Variants in VIPR1 observed in about 807,000 individuals in gnomAD.
VIPR1 encodes the protein vasoactive intestinal polypeptide receptor 1.
VIPR1 carries 59 observed loss-of-function variants against 58.8 expected under a neutral mutation model. The ratio of observed to expected loss-of-function variants is 1.00; its 90% CI spans 0.81 to 1.25. The LOEUF is 1.25. VIPR1 is among the 50% of genes most tolerant of loss of function. The probability of loss-of-function intolerance (pLI) is 0.00; values close to 1 mark genes in which losing one functional copy is unlikely to be tolerated. For missense variants in VIPR1, 626 were observed against 602.7 expected (o/e 1.04, Z -0.40); for synonymous variants, 251 against 242.1 (o/e 1.04, Z -0.34).
At chr3:42,510,521 T>C (rs557076936) in intron 1 of VIPR1, among the ~76,000 whole-genome samples, 2 of 152,280 alleles carry the variant, frequency 1.3e-5, no homozygotes, top group East Asian at 3.9e-4. Context: ...GGAGCTGCCC[T>C]GGCCCGGTCC....
chr3:42,512,534 T>C (rs1197189221), intron 1 of VIPR1, among the ~76,000 whole-genome samples: 1 of 152,136 alleles, frequency 6.6e-6, no homozygotes, highest in Non-Finnish European at 1.5e-5. Flanking sequence ...CCCCCACCTA[T>C]GTTCTTCCCA....
rs150460710 is a variant in VIPR1 at position 42,515,523 on chromosome 3, T to G, written c.184+1669T>G. 2.0e-5 allele frequency among the ~76,000 whole-genome samples: 3 copies of G among 152,342 alleles called. No homozygotes were observed. The East Asian group carries it at 5.8e-4, about 29-fold the overall frequency. ...GACTCCACTGCGCACCTCCCACGCC[T>G]GGGGACAGGCCACCCTCGTGATTCC... On this transcript the variant is annotated intron_variant, in intron 2 of 12. Transcript: ENST00000325123.
chr3:42,533,101 T>C (rs2125679262), intron 10 of VIPR1: 1 of 152,420 alleles, frequency 6.6e-6, no homozygotes, highest in African/African-American at 2.4e-5. Flanking sequence ...AGGGAGGCTG[T>C]GGGAAGGCAA....
chr3:42,531,622 G>A, intron 8 of VIPR1, 91 bp downstream of exon 8: 1 of 1,571,880 alleles, frequency 6.4e-7, no homozygotes, highest in Non-Finnish European at 8.7e-7. Flanking sequence ...TTGGTGAGTG[G>A]ACAAAAACCA....
intron 3 of VIPR1, among the ~76,000 whole-genome samples, chr3:42,525,065 G>A (rs142548446): frequency 5.9e-4 from 90 of 152,116 alleles, no homozygotes; most frequent in Non-Finnish European, 1.2e-3. Context: ...GGTGATGAAC[G>A]GGTACTGAGA....
At chr3:42,510,001 C>T (rs1399942077) in intron 1 of VIPR1, among the ~76,000 whole-genome samples, 1 of 152,232 alleles carries the variant, frequency 6.6e-6, no homozygotes, top group East Asian at 1.9e-4. Context: ...CAGTCTCCTG[C>T]TTCAAGTCTC....
intron 1 of VIPR1, among the ~76,000 whole-genome samples, chr3:42,493,938 C>T (rs1699710712): frequency 1.3e-5 from 2 of 152,222 alleles, no homozygotes; most frequent in Admixed American, 1.3e-4. Context: ...AGGGTCCTCT[C>T]CTCCAGTCTC....
At chr3:42,519,076 G>A in intron 2 of VIPR1, 147 bp from the exon 3 acceptor site, 1 of 582,980 alleles carries the variant, frequency 1.7e-6, no homozygotes. Context: ...ACCTCCGCAG[G>A]GCTGTGCCTC....
At chr3:42,495,196 A>G (rs1443929614) in intron 1 of VIPR1, among the ~76,000 whole-genome samples, 1 of 152,028 alleles carries the variant, frequency 6.6e-6, no homozygotes, top group Non-Finnish European at 1.5e-5. Flanking sequence ...ATCTCGGCTC[A>G]CTGCAACCTC....
rs1701882646 is a variant in VIPR1 at position 42,536,881 on chromosome 3, AC to A, written c.*602del. On this transcript the variant is annotated 3_prime_UTR_variant, in exon 13 of 13. Coordinates refer to ENST00000325123, the MANE Select transcript of VIPR1 (RefSeq NM_004624.4). ...TCTGGAGTTTTTGTTTGGAGAGCACACCTATCTTAGTGGTTCCCCACCGAAG... is the reference window on the plus strand; with the variant it reads ...TCTGGAGTTTTTGTTTGGAGAGCACACTATCTTAGTGGTTCCCCACCGAAG... 1.3e-5 allele frequency: 2 copies of A among 152,208 alleles called. No homozygotes were observed. Among genetic ancestry groups the A allele is most frequent in the Admixed American group, 1.3e-4 (2 of 15,286 alleles). 9.4% of individuals were successfully genotyped at this position (152,208 alleles called of 1,614,324 possible).
At chr3:42,513,726 G>A (rs539655515) in intron 1 of VIPR1, 23 bp from the exon 2 acceptor site, 3 of 1,550,508 alleles carry the variant, frequency 1.9e-6, no homozygotes, top group African/African-American at 1.4e-5. Context: ...AGGCTGATGG[G>A]CCCTCCCTGT....
chr3:42,505,303 C>T (rs1700067504), intron 1 of VIPR1, among the ~76,000 whole-genome samples: 1 of 152,256 alleles, frequency 6.6e-6, no homozygotes, highest in Non-Finnish European at 1.5e-5. Context: ...ATAAAACAGC[C>T]TCTGTTGACA....
intron 3 of VIPR1, among the ~76,000 whole-genome samples, chr3:42,522,028 A>G (rs376413616): frequency 7.3e-6 from 1 of 136,498 alleles, no homozygotes; most frequent in African/African-American, 2.7e-5. Context: ...TTACAGGTGC[A>G]TACTTCTTTA....
chr3:42,512,462 A>G (rs1246332015), intron 1 of VIPR1, among the ~76,000 whole-genome samples: 1 of 152,184 alleles, frequency 6.6e-6, no homozygotes, highest in African/African-American at 2.4e-5. Flanking sequence ...ACTTAAAACA[A>G]TGGTCAAAGT....
chr3:42,502,431 T>C (rs116551466), upstream of VIPR1, among the ~76,000 whole-genome samples: 1 of 152,202 alleles, frequency 6.6e-6, no homozygotes, highest in Admixed American at 6.5e-5. Flanking sequence ...GGCCTATAAA[T>C]GTCTCACGAC....
chr3:42,506,425 T>A (rs1700123703), intron 1 of VIPR1: 1 of 152,348 alleles, frequency 6.6e-6, no homozygotes, highest in Non-Finnish European at 1.5e-5. Context: ...ACCCCCAGAT[T>A]CTGCCTTCCC....
chr3:42,498,551 A>G (rs139790369), upstream of VIPR1, among the ~76,000 whole-genome samples: 3,640 of 152,238 alleles, frequency 0.024, 64 homozygotes, highest in Non-Finnish European at 0.036. Flanking sequence ...CTTCCCCGCA[A>G]CAGAGCTCTA....
At chr3:42,531,588 G>A (rs1330175578) in intron 8 of VIPR1, 57 bp downstream of exon 8, 3 of 1,582,600 alleles carry the variant, frequency 1.9e-6, no homozygotes, top group Admixed American at 1.8e-5. Context: ...GGCCCCCTGG[G>A]TGGGATGATA....
chr3:42,519,369 C>G (rs748234807), intron 3 of VIPR1, 39 bp downstream of exon 3: 1 of 1,536,978 alleles, frequency 6.5e-7, no homozygotes, highest in Admixed American at 1.9e-5. Context: ...TGAGTGGGGC[C>G]GGCTGGAGTG....
Sources: gnomAD v4.1 joint callset for allele counts (sites outside exome capture counted in the v4.1 genomes callset) on GRCh38, gnomAD v4.1.1 for gene constraint, MANE v1.5 for transcripts, NCBI Gene and HGNC (gene_info 2026-07-23, HGNC 2026-07-21) for gene names.